KDM4C: variants seen among roughly 807,000 people sequenced by gnomAD.
The protein encoded by KDM4C is lysine-specific demethylase 4C.
In KDM4C, 81 loss-of-function variants were observed where a neutral mutation model predicts 129.3. The observed-to-expected ratio is 0.63, with a 90% confidence interval of 0.52 to 0.75. The LOEUF is 0.75. Ranked by LOEUF, KDM4C falls within the 30% of genes least tolerant of loss-of-function variation. KDM4C has a pLI of 0.00. For missense variants in KDM4C, 1,457 were observed against 1,304.0 expected (o/e 1.12, Z -1.81); for synonymous variants, 573 against 456.1 (o/e 1.26, Z -3.26).
chr9:6,957,575 TCAC>T (rs1335896688), intron 8 of KDM4C, among the ~76,000 whole-genome samples: 1 of 152,020 alleles, frequency 6.6e-6, no homozygotes, highest in African/African-American at 2.4e-5. Context: ...TACTGGTAGG[TCAC>T]CACCACCACC....
At chr9:6,890,114 G>A (rs1254873558) in intron 7 of KDM4C, among the ~76,000 whole-genome samples, 1 of 152,184 alleles carries the variant, frequency 6.6e-6, no homozygotes, top group Admixed American at 6.5e-5. Flanking sequence ...CACAGGGCCT[G>A]TCATGACACT....
intron 8 of KDM4C, among the ~76,000 whole-genome samples, chr9:6,923,604 A>G (rs779600184): frequency 9.2e-5 from 14 of 152,238 alleles, no homozygotes; most frequent in Non-Finnish European, 2.1e-4. Flanking sequence ...GAGACAGAAC[A>G]TAGAATACCC....
chr9:7,096,828 C>T (rs1049415217), intron 17 of KDM4C, among the ~76,000 whole-genome samples: 3 of 151,904 alleles, frequency 2.0e-5, no homozygotes, highest in Non-Finnish European at 4.4e-5. Flanking sequence ...ACCCAGAGCC[C>T]CTCAGAGAAT....
intron 1 of KDM4C, among the ~76,000 whole-genome samples, chr9:6,748,286 T>A (rs1397048950): frequency 6.6e-6 from 1 of 151,834 alleles, no homozygotes. Context: ...GGCAGGTGGA[T>A]CACCTGAGGT....
At chr9:6,872,632 G>A (rs1277837761) in intron 5 of KDM4C, among the ~76,000 whole-genome samples, 2 of 152,106 alleles carry the variant, frequency 1.3e-5, no homozygotes, top group African/African-American at 4.8e-5. Flanking sequence ...TGCCTTCTTT[G>A]TCTTTTTTGG....
At chr9:6,815,622 A>T (rs1175543274) in intron 4 of KDM4C, among the ~76,000 whole-genome samples, 1 of 152,190 alleles carries the variant, frequency 6.6e-6, no homozygotes, top group Non-Finnish European at 1.5e-5. Flanking sequence ...AGCATCCTTC[A>T]TCCAGAAATC....
chr9:6,808,575 C>G (rs1021636232), intron 3 of KDM4C, among the ~76,000 whole-genome samples: 6 of 148,680 alleles, frequency 4.0e-5, no homozygotes, highest in African/African-American at 1.5e-4. Flanking sequence ...TCAGGGTCCT[C>G]TGCCTAGGAA....
chr9:7,169,970 A>T (rs1405465590), intron 21 of KDM4C, 80 bp downstream of exon 21: 1 of 1,601,730 alleles, frequency 6.2e-7, no homozygotes, highest in South Asian at 1.1e-5. Context: ...GCCCAGCAGG[A>T]AACATACTTG....
chr9:6,748,846 A>C (rs1237487724), intron 1 of KDM4C: 1 of 1,115,516 alleles, frequency 9.0e-7, no homozygotes, highest in Admixed American at 1.7e-5. Flanking sequence ...CCAATGATAC[A>C]GCCTTCTATC....
chr9:7,115,025 G>C (rs939495014), intron 18 of KDM4C, among the ~76,000 whole-genome samples: 1 of 152,088 alleles, frequency 6.6e-6, no homozygotes, highest in African/African-American at 2.4e-5. Context: ...ATTGCAGTGA[G>C]CCAAGATTGC....
At chr9:6,760,634 G>A (rs894015693) in intron 1 of KDM4C, among the ~76,000 whole-genome samples, 1 of 151,560 alleles carries the variant, frequency 6.6e-6, no homozygotes, top group Non-Finnish European at 1.5e-5. Flanking sequence ...GCAGTGGCAC[G>A]ATCTCTGCTC....
intron 3 of KDM4C, among the ~76,000 whole-genome samples, chr9:6,807,936 G>C (rs1830388968): frequency 7.8e-6 from 1 of 128,552 alleles, no homozygotes. Context: ...CTCCGGGAGG[G>C]AGGTGGGGGG....
intron 16 of KDM4C, among the ~76,000 whole-genome samples, chr9:7,048,421 T>C (rs1197667920): frequency 6.6e-6 from 1 of 152,082 alleles, no homozygotes; most frequent in East Asian, 1.9e-4. Context: ...AACCTCATGA[T>C]TCTTTATATT....
intron 4 of KDM4C, chr9:6,834,890 G>C: frequency 7.8e-7 from 1 of 1,282,016 alleles, no homozygotes; most frequent in Non-Finnish European, 1.1e-6. Context: ...GTACTTCTTT[G>C]GCTGTACCAC....
intron 19 of KDM4C, among the ~76,000 whole-genome samples, chr9:7,136,494 G>A (rs115233721): frequency 6.6e-6 from 1 of 152,312 alleles, no homozygotes; most frequent in African/African-American, 2.4e-5. Context: ...CAACACCTGT[G>A]TTGTCAGTCT....
chr9:6,947,704 C>T (rs80282805), intron 8 of KDM4C, among the ~76,000 whole-genome samples: 11,820 of 152,042 alleles, frequency 0.078, 841 homozygotes, highest in East Asian at 0.23. Flanking sequence ...TCCAGTTTAT[C>T]CCTAATCTAT....
intron 1 of KDM4C, among the ~76,000 whole-genome samples, chr9:6,764,131 G>T (rs530844447): frequency 1.3e-5 from 2 of 152,252 alleles, no homozygotes; most frequent in Admixed American, 1.3e-4. Flanking sequence ...TCAGCATCAA[G>T]CTTTTATTAC....
chr9:6,860,662 T>C (rs568131861), intron 5 of KDM4C, among the ~76,000 whole-genome samples: 28 of 152,310 alleles, frequency 1.8e-4, no homozygotes, highest in African/African-American at 6.7e-4. Context: ...AGAAGAGACA[T>C]AGAGTCTGAG....
intron 8 of KDM4C, among the ~76,000 whole-genome samples, chr9:6,919,247 T>TTTCTTTCTTTCTTTTCTTTCTTTC: frequency 2.2e-4 from 23 of 106,282 alleles, no homozygotes; most frequent in Non-Finnish European, 3.8e-4. Flanking sequence ...TCTTTCTTTC[T>TTTCTTTCTTTCTTTTCTTTCTTTC]TTTCTTTCTT....
Sources: gnomAD v4.1 joint callset for allele counts (sites outside exome capture counted in the v4.1 genomes callset) on GRCh38, gnomAD v4.1.1 for gene constraint, MANE v1.5 for transcripts, NCBI Gene and HGNC (gene_info 2026-07-23, HGNC 2026-07-21) for gene names.